The following ZMYND8 variants were observed in gnomAD, a reference collection of about 807,000 sequenced individuals.
ZMYND8 encodes zinc finger MYND-type containing 8.
ZMYND8 carries 37 observed loss-of-function variants against 140.8 expected under a neutral mutation model. The observed-to-expected ratio is 0.26, with a 90% CI of 0.20 to 0.35. The LOEUF is 0.35. Ranked by LOEUF, ZMYND8 falls within the 10% of genes least tolerant of loss-of-function variation. The pLI is 1.00. For synonymous variants in ZMYND8, 592 were observed against 597.1 expected (o/e 0.99, Z 0.12); for missense variants, 1,068 against 1,570.0 (o/e 0.68, Z 5.40).
chr20:47,350,862 G>C (rs1041479931), intron 1 of ZMYND8, among the ~76,000 whole-genome samples: 3 of 152,086 alleles, frequency 2.0e-5, no homozygotes, highest in Admixed American at 6.6e-5. Context: ...CTGGGGGCCC[G>C]CTACAGAAAA....
intron 12 of ZMYND8, among the ~76,000 whole-genome samples, chr20:47,255,710 C>G (rs1366902108): frequency 1.8e-5 from 1 of 55,314 alleles, no homozygotes; most frequent in African/African-American, 8.3e-5. Context: ...TATATATATA[C>G]CGTGTATGTG....
intron 1 of ZMYND8, among the ~76,000 whole-genome samples, chr20:47,349,601 G>A (rs968458797): frequency 6.6e-6 from 1 of 152,158 alleles, no homozygotes; most frequent in African/African-American, 2.4e-5. Flanking sequence ...TGGGGTGACT[G>A]GAAATACATC....
chr20:47,227,005 G>A (rs1187714712), intron 18 of ZMYND8, among the ~76,000 whole-genome samples, 198 bp downstream of exon 18: 1 of 152,168 alleles, frequency 6.6e-6, no homozygotes, highest in South Asian at 2.1e-4. Flanking sequence ...CTGAACAGAG[G>A]AAAGGGGGGC....
intron 14 of ZMYND8, 87 bp from the exon 15 acceptor site, chr20:47,239,225 A>G: frequency 7.0e-7 from 1 of 1,425,954 alleles, no homozygotes; most frequent in Non-Finnish European, 9.2e-7. Context: ...AGTTCTGGGT[A>G]AAACCTATGA....
intron 11 of ZMYND8, among the ~76,000 whole-genome samples, chr20:47,266,085 C>T (rs1341428669): frequency 1.3e-5 from 2 of 152,240 alleles, no homozygotes; most frequent in South Asian, 2.1e-4. Flanking sequence ...ACAAGCCTCA[C>T]GCTGCAAAAC....
Position 47,298,993 on chromosome 20 carries a change from C to T in ZMYND8, c.235-46G>A. ...CAGGTTTGGTTTCAAAACAAATGTGCATTCTCAAAAGGAATTTGAACAAGT... is the reference window on the plus strand; with the variant it reads ...CAGGTTTGGTTTCAAAACAAATGTGTATTCTCAAAAGGAATTTGAACAAGT... On this transcript the variant is annotated intron_variant, in intron 3 of 22. Transcript: ENST00000471951. This position sits in a 1 kb window ranked among gnomAD's most constrained non-coding sequence, Gnocchi z 5.0. 6.4e-7 allele frequency: 1 copy of T among 1,572,034 alleles called. No homozygotes were observed. Among genetic ancestry groups the T allele is most frequent in the South Asian group, 1.1e-5 (1 of 89,976 alleles).
chr20:47,264,346 G>A (rs1381166731), intron 11 of ZMYND8, among the ~76,000 whole-genome samples: 2 of 152,062 alleles, frequency 1.3e-5, no homozygotes, highest in African/African-American at 2.4e-5. Flanking sequence ...GTGCAATCTC[G>A]GCTCACTGCA....
intron 10 of ZMYND8, among the ~76,000 whole-genome samples, chr20:47,281,744 G>T (rs1248583927): frequency 6.6e-6 from 1 of 152,164 alleles, no homozygotes; most frequent in African/African-American, 2.4e-5. Flanking sequence ...TTGAAAGAAT[G>T]ATTTGGAAAG....
At chr20:47,348,187 A>AT (rs915302403) in intron 1 of ZMYND8, 24 of 483,930 alleles carry the variant, frequency 5.0e-5, no homozygotes, top group African/African-American at 2.5e-4. Flanking sequence ...GCAAAAGGCA[A>AT]TTTTTTAGAC....
chr20:47,254,515 A>T (rs1165774439), intron 12 of ZMYND8, among the ~76,000 whole-genome samples: 1 of 152,244 alleles, frequency 6.6e-6, no homozygotes. Context: ...AATTAAATAC[A>T]GCTGCTAAAA....
Position 47,347,926 on chromosome 20 carries a change from G to A in ZMYND8, c.15C>T (p.Ser5=), listed in dbSNP as rs766197007. The A allele has an allele frequency of 9.3e-6, 15 of 1,613,746 alleles. No individual in the cohort carries two copies. Among genetic ancestry groups the A allele is most frequent in the Non-Finnish European group, 1.2e-5 (14 of 1,180,012 alleles). The change falls in exon 2 of 23, where the codon AGC becomes AGT. Residue 5 remains serine, a splice_region_variant and synonymous_variant. Transcript: ENST00000471951. ...CTGTTTTTATTTCCTCTTCAGCCAAGCTGAAACAGAGCAAATTATGTTCAT... is the reference window on the plus strand; with the variant it reads ...CTGTTTTTATTTCCTCTTCAGCCAAACTGAAACAGAGCAAATTATGTTCAT... The part of the protein sequence containing the change: MHPQ[S]LAEEEIKTEQ...
intron 1 of ZMYND8, chr20:47,350,009 A>C: frequency 1.3e-6 from 2 of 1,493,076 alleles, no homozygotes; most frequent in Non-Finnish European, 1.8e-6. Flanking sequence ...AGGAAAATGC[A>C]AACTAGTTAT....
At chr20:47,285,877 TA>T (rs1364153353) in intron 8 of ZMYND8, 43 of 964,784 alleles carry the variant, frequency 4.5e-5, no homozygotes, top group Non-Finnish European at 5.2e-5. Context: ...AAGCAGTTTA[TA>T]AAACTCTCTC....
At chr20:47,319,961 G>A (rs972132371) in intron 2 of ZMYND8, 2 of 148,464 alleles carry the variant, frequency 1.3e-5, no homozygotes, top group Admixed American at 6.8e-5. Context: ...TGGAGAAACC[G>A]GTTGCCTCTG....
At chr20:47,314,885 C>T (rs999690752) in intron 2 of ZMYND8, among the ~76,000 whole-genome samples, 6 of 152,096 alleles carry the variant, frequency 3.9e-5, no homozygotes, top group African/African-American at 9.7e-5. Flanking sequence ...TGGGAAGAGC[C>T]GGGAGAAAGG....
chr20:47,276,300 C>A lies in ZMYND8; in HGVS notation c.1480+14G>T, dbSNP rs765884283. 2 of 1,518,500 alleles carry A rather than the reference C, an allele frequency of 1.3e-6. No homozygotes were observed. The allele number at this position is 1,518,500 out of a possible 1,614,324, so 94.1% of individuals were successfully genotyped here. A position where few individuals can be genotyped will look rare whatever the true frequency, so the allele number is the denominator to read the frequency against. On this transcript the variant is annotated intron_variant, in intron 11 of 22. Coordinates refer to ENST00000471951, the MANE Select transcript of ZMYND8 (RefSeq NM_001281775.3). ...CCAAGGGGCCTCCTCCCCGCTCCCC[C>A]GCACGGAGCTGACCTGTGCTCTTAT...
intron 13 of ZMYND8, among the ~76,000 whole-genome samples, chr20:47,247,457 C>T (rs1352159000): frequency 6.6e-6 from 1 of 152,178 alleles, no homozygotes; most frequent in Non-Finnish European, 1.5e-5. Flanking sequence ...CTGTCTCTTT[C>T]AAAAGGAAGA....
At chr20:47,356,581 G>C (rs1409773748) in intron 1 of ZMYND8, 76 bp downstream of exon 1, 1 of 1,613,964 alleles carries the variant, frequency 6.2e-7, no homozygotes, top group East Asian at 2.2e-5. Flanking sequence ...CAGCCACAGA[G>C]AAATCACACT....
In ZMYND8 at chr20:47,246,419, C is replaced by T; in HGVS notation, c.1873G>A (p.Asp625Asn). Residue 625 changes from aspartate to asparagine, a missense_variant, in exon 14 of 23, where the codon GAT becomes AAT. Asp to Asn is a conservative substitution (Grantham distance 23). This residue lies in a region of ZMYND8 where 383 missense variants were observed against 431.2 expected (regional missense o/e 0.89). Transcript: ENST00000471951. Reference sequence around the variant, plus strand: ...TCGTTCTTAGACTTCTGCTCATCATCACTGATATACTCACTATCGCTACTA... The same window carrying T: ...TCGTTCTTAGACTTCTGCTCATCATTACTGATATACTCACTATCGCTACTA... ...SDSSDSEYIS[D>N]DEQKSKNEPE... 1.2e-6 allele frequency: 2 copies of T among 1,614,106 alleles called. No individual in the cohort carries two copies. The highest frequency in any genetic ancestry group is 1.7e-6 in the Non-Finnish European group (2 of 1,180,034).
Sources: allele counts gnomAD v4.1 joint callset (sites outside exome capture counted in the v4.1 genomes callset), GRCh38; gene constraint gnomAD v4.1.1; regional missense constraint gnomAD v4.1.1; non-coding constraint Gnocchi (gnomAD v3.1); transcripts MANE v1.5; gene names NCBI Gene and HGNC (gene_info 2026-07-23, HGNC 2026-07-21).